Variants in PRDM6 observed in about 807,000 individuals in gnomAD.
PRDM6 encodes the protein PR/SET domain 6.
Under a neutral mutation model 60.8 loss-of-function variants are expected in PRDM6, and 25 were observed. The ratio of observed to expected loss-of-function variants is 0.41; its 90% CI spans 0.30 to 0.57. PRDM6 has a LOEUF of 0.57. Among genes scored for constraint, PRDM6 ranks in the 20% least tolerant of loss-of-function variants. PRDM6 has a pLI of 0.27. For missense variants in PRDM6, 839 were observed against 821.3 expected (o/e 1.02, Z -0.26); for synonymous variants, 407 against 357.4 (o/e 1.14, Z -1.57).
intron 3 of PRDM6, among the ~76,000 whole-genome samples, chr5:123,128,017 T>C (rs898742676): frequency 4.0e-5 from 6 of 149,796 alleles, no homozygotes; most frequent in African/African-American, 1.2e-4. Context: ...GAACATGCGG[T>C]GTTTGGTTTT....
rs1336827672 is a variant in PRDM6 at position 123,188,570 on chromosome 5, T to G, written c.*1369T>G. On this transcript the variant is annotated 3_prime_UTR_variant, in exon 8 of 8. Transcript: ENST00000407847. ...CGACTGTCTACCTTGATGGCCAGTTTAGATAAAAACTGTTCAGTTTTATCT... is the reference window on the plus strand; with the variant it reads ...CGACTGTCTACCTTGATGGCCAGTTGAGATAAAAACTGTTCAGTTTTATCT... The G allele has an allele frequency of 6.6e-6, 1 of 152,218 alleles. No homozygotes were observed. Among genetic ancestry groups the G allele is most frequent in the African/African-American group, 2.4e-5 (1 of 41,464 alleles). The allele number at this position is 152,218 out of a possible 1,614,324, so 9.4% of individuals were successfully genotyped here.
intron 3 of PRDM6, among the ~76,000 whole-genome samples, chr5:123,139,564 TTTG>T (rs1229463129): frequency 6.6e-6 from 1 of 152,110 alleles, no homozygotes; most frequent in African/African-American, 2.4e-5. Context: ...CCATAGATTC[TTTG>T]TTGTTCTTGA....
chr5:123,092,148 A>G (rs1250563205), intron 2 of PRDM6, among the ~76,000 whole-genome samples: 1 of 152,266 alleles, frequency 6.6e-6, no homozygotes, highest in Non-Finnish European at 1.5e-5. Flanking sequence ...CTTGTATTTC[A>G]GAGTTTCAGA....
rs997208706 is a variant in PRDM6 at position 123,187,306 on chromosome 5, A to G, written c.*105A>G. The G allele has an allele frequency of 1.4e-4, 111 of 779,548 alleles. No homozygotes were observed. Among genetic ancestry groups the G allele is most frequent in the Middle Eastern group, 1.4e-3 (6 of 4,300 alleles). The allele number at this position is 779,548 out of a possible 1,614,324, so 48.3% of individuals were successfully genotyped here. On this transcript the variant is annotated 3_prime_UTR_variant, in exon 8 of 8. Coordinates refer to ENST00000407847, the MANE Select transcript of PRDM6 (RefSeq NM_001136239.4). ...CTCTGAGCAACTTTCAATCAGTCCC[A>G]GAAAACCAAAAGCAGTAATAAAATA... is the stretch of plus-strand genomic sequence containing the variant.
chr5:123,099,528 T>C lies in PRDM6; in HGVS notation c.593-126T>C. On this transcript the variant is annotated intron_variant, in intron 2 of 7. Transcript: ENST00000407847. This position sits in a 1 kb window ranked among gnomAD's most constrained non-coding sequence, Gnocchi z 4.0. ...GCTTCGGTGCCCCCAAGGCATCACCTTCCTCGAAGGTGGCTTACCCAGGCG... is the reference window on the plus strand; with the variant it reads ...GCTTCGGTGCCCCCAAGGCATCACCCTCCTCGAAGGTGGCTTACCCAGGCG... 9.4e-6 allele frequency: 8 copies of C among 846,946 alleles called. No homozygotes were observed. Among genetic ancestry groups the C allele is most frequent in the Non-Finnish European group, 1.4e-5 (8 of 579,352 alleles). The allele number at this position is 846,946 out of a possible 1,614,324, so 52.5% of individuals were successfully genotyped here.
At chr5:123,144,803 G>A (rs1765200322) in intron 3 of PRDM6, among the ~76,000 whole-genome samples, 1 of 152,122 alleles carries the variant, frequency 6.6e-6, no homozygotes, top group Non-Finnish European at 1.5e-5. Context: ...TTCTCCCAGG[G>A]CATACTCAAC....
Position 123,190,951 on chromosome 5 carries a change from A to T in PRDM6, c.*3750A>T, listed in dbSNP as rs1053429151. On this transcript the variant is annotated 3_prime_UTR_variant, in exon 8 of 8. Coordinates refer to ENST00000407847, the MANE Select transcript of PRDM6 (RefSeq NM_001136239.4). ...AACTGGGAAAATCTGAGAGAGGTAA[A>T]TTCATCTGGGGACCAGAAAATAGCA... is the stretch of plus-strand genomic sequence containing the variant. The T allele has an allele frequency of 1.3e-5, 2 of 152,230 alleles. No individual in the cohort carries two copies. Among genetic ancestry groups the T allele is most frequent in the Admixed American group, 1.3e-4 (2 of 15,284 alleles). 9.4% of individuals were successfully genotyped at this position (152,230 alleles called of 1,614,324 possible).
intron 5 of PRDM6, among the ~76,000 whole-genome samples, chr5:123,159,963 T>A (rs969175300): frequency 1.3e-5 from 2 of 152,222 alleles, no homozygotes; most frequent in South Asian, 4.1e-4. Flanking sequence ...CCTTAGGGAT[T>A]ACAAGAGCAG....
rs1216843434 is a variant in PRDM6, at chr5:123,142,901, AAC to A, written c.901-12981_901-12980del. Among the ~76,000 whole-genome samples the A allele has an allele frequency of 2.1e-3, 228 of 106,818 alleles. 11 individuals are homozygous for A. The highest frequency in any genetic ancestry group is 3.1e-3 in the Non-Finnish European group (154 of 49,480). The allele number at this position is 106,818 out of a possible 152,430, so 70.1% of individuals were successfully genotyped here. ...CCAAAAAAAAAAAAAAAAAAAAAAA[AAC>A]AAACAAACCAAAGCAAAACAAAACA... On this transcript the variant is annotated intron_variant, in intron 3 of 7. Coordinates refer to ENST00000407847, the MANE Select transcript of PRDM6 (RefSeq NM_001136239.4).
chr5:123,134,514 C>T (rs1422279), intron 3 of PRDM6, among the ~76,000 whole-genome samples: 59,857 of 151,808 alleles, frequency 0.39, 11,898 homozygotes, highest in East Asian at 0.6. Context: ...GTTAGATCCC[C>T]CCATCTATTT....
At position 123,193,620 on chromosome 5, in the gene PRDM6, G is replaced by C. The variant is rs1203430293; in HGVS notation, c.*6419G>C. 6.6e-6 allele frequency: 1 copy of C among 152,172 alleles called. No individual in the cohort carries two copies. The highest frequency in any genetic ancestry group is 1.5e-5 in the Non-Finnish European group (1 of 68,044). 9.4% of individuals were successfully genotyped at this position (152,172 alleles called of 1,614,324 possible). ...GCCTTCCCCCAGTTTAAATGCAGAG[G>C]CTAAGGTGATGACTAACGAATTAAG... On this transcript the variant is annotated 3_prime_UTR_variant, in exon 8 of 8. Transcript: ENST00000407847.
intron 3 of PRDM6, among the ~76,000 whole-genome samples, chr5:123,137,834 TTAA>T (rs1765000529): frequency 6.6e-6 from 1 of 152,136 alleles, no homozygotes; most frequent in Non-Finnish European, 1.5e-5. Flanking sequence ...AAAAGTGTTC[TTAA>T]TATACCTGGC....
At chr5:123,143,185 G>A (rs576381940) in intron 3 of PRDM6, among the ~76,000 whole-genome samples, 54 of 151,828 alleles carry the variant, frequency 3.6e-4, no homozygotes, top group African/African-American at 1.3e-3. Context: ...GTGTATGTGG[G>A]TGTGTGTATA....
At chr5:123,181,492 A>G (rs1216168310) in intron 7 of PRDM6, among the ~76,000 whole-genome samples, 1 of 152,176 alleles carries the variant, frequency 6.6e-6, no homozygotes, top group African/African-American at 2.4e-5. Context: ...GTCAGCATGC[A>G]TGGTTGATTG....
At chr5:123,102,033 T>C (rs2150208872) in intron 3 of PRDM6, among the ~76,000 whole-genome samples, 1 of 152,266 alleles carries the variant, frequency 6.6e-6, no homozygotes, top group East Asian at 1.9e-4. Flanking sequence ...ACTTGCTGGG[T>C]GTATGCTTGG....
chr5:123,156,763 G>C (rs1411938417), intron 4 of PRDM6, among the ~76,000 whole-genome samples: 1 of 152,204 alleles, frequency 6.6e-6, no homozygotes, highest in Non-Finnish European at 1.5e-5. Flanking sequence ...CACTCAGCCA[G>C]TTCTTCTCAG....
intron 2 of PRDM6, among the ~76,000 whole-genome samples, chr5:123,092,518 C>G (rs968815094): frequency 6.6e-6 from 1 of 152,062 alleles, no homozygotes; most frequent in African/African-American, 2.4e-5. Flanking sequence ...AGGATAGATT[C>G]CTAATTAATA....
chr5:123,166,158 CG>C (rs1383298945), intron 5 of PRDM6, among the ~76,000 whole-genome samples: 1 of 152,200 alleles, frequency 6.6e-6, no homozygotes, highest in Non-Finnish European at 1.5e-5. Flanking sequence ...TCTCAAGCCT[CG>C]GCTGCAGCCC....
At position 123,090,432 on chromosome 5, in the gene PRDM6, G is replaced by C. The variant is rs1389026967; in HGVS notation, c.418G>C (p.Gly140Arg). The C allele has an allele frequency of 2.8e-6, 4 of 1,452,732 alleles. No homozygotes were observed. Among genetic ancestry groups the C allele is most frequent in the Non-Finnish European group, 3.6e-6 (4 of 1,112,144 alleles). The allele number at this position is 1,452,732 out of a possible 1,614,324, so 90.0% of individuals were successfully genotyped here. A position where few individuals can be genotyped will look rare whatever the true frequency, so the allele number is the denominator to read the frequency against. ...GCTGCCCCCCAAGGAACTGTGCCTC[G>C]GCGCCACCTCCGGCCCCGGGCCCGT... ...EPLPPKELCLGATSGPGPVKC... is the reference protein window; with the variant it reads ...EPLPPKELCLRATSGPGPVKC... The change falls in exon 2 of 8, where the codon GGC becomes CGC. Residue 140 changes from glycine (G) to arginine (R), a missense_variant. By Grantham distance (125) the Gly-to-Arg change is moderately radical. Around this residue, in one of 2 missense-constraint regions of PRDM6, gnomAD observed 730 missense variants for 648.8 expected, o/e 1.13. Coordinates refer to ENST00000407847, the MANE Select transcript of PRDM6 (RefSeq NM_001136239.4).
Sources: allele counts gnomAD v4.1 joint callset (sites outside exome capture counted in the v4.1 genomes callset), GRCh38; gene constraint gnomAD v4.1.1; regional missense constraint gnomAD v4.1.1; non-coding constraint Gnocchi (gnomAD v3.1); transcripts MANE v1.5; gene names NCBI Gene and HGNC (gene_info 2026-07-23, HGNC 2026-07-21).